SEPTIN9: variants seen among roughly 807,000 people sequenced by gnomAD.
SEPTIN9 encodes septin-9.
In SEPTIN9, 13 loss-of-function variants were observed where a neutral mutation model predicts 56.6. The observed-to-expected ratio is 0.23, with a 90% CI of 0.15 to 0.37. The LOEUF (loss-of-function observed/expected upper bound fraction) is 0.37, where lower values mean the gene tolerates loss of function less well. SEPTIN9 is among the 10% of genes least tolerant of loss of function. The pLI, the probability that SEPTIN9 is intolerant of heterozygous loss-of-function variation, is 1.00. For synonymous variants in SEPTIN9, 332 were observed against 334.1 expected, an observed-to-expected ratio of 0.99 and a Z score of 0.07; for missense variants, 650 against 823.1, an observed-to-expected ratio of 0.79 and a Z score of 2.57.
chr17:77,423,685 A>T (rs1362150983), intron 3 of SEPTIN9, among the ~76,000 whole-genome samples: 1 of 152,180 alleles, frequency 6.6e-6, no homozygotes, highest in Admixed American at 6.5e-5. Context: ...GCAATCCTCC[A>T]CTGCCCCCGT....
In SEPTIN9 at chr17:77,307,689, A is replaced by G. The variant is rs149975523; in HGVS notation, c.76+492A>G. 3.1e-3 allele frequency among the ~76,000 whole-genome samples: 472 copies of G among 151,566 alleles called. 4 individuals carry two copies. The highest frequency in any genetic ancestry group is 0.011 in the African/African-American group (437 of 41,292). On this transcript the variant is annotated intron_variant, in intron 2 of 11. Transcript: ENST00000427177. ...GGCCTCTGGCAGTGGTCACTGTGCT[A>G]CTCCTTGTGCTTTTTCCATGTGTTT... is the stretch of plus-strand genomic sequence containing the variant.
intron 2 of SEPTIN9, among the ~76,000 whole-genome samples, chr17:77,337,207 T>G (rs548073739): frequency 3.9e-5 from 6 of 152,068 alleles, no homozygotes; most frequent in Non-Finnish European, 1.5e-5. Context: ...TGGGGTCTCA[T>G]TGTGTTGCTC....
rs542240068 is a variant in SEPTIN9 at position 77,310,904 on chromosome 17, G to A, written c.76+3707G>A. On this transcript the variant is annotated intron_variant, in intron 2 of 11. Transcript: ENST00000427177. The surrounding 1 kb of genome is among the most constrained non-coding windows in gnomAD (Gnocchi z 4.7). ...CTCTTCCATCTTCCAATACCTCTGG[G>A]GTGTGTGGCCTTTTCCCCAGTGCCC... Among the ~76,000 whole-genome samples, 19 of 152,164 alleles carry A rather than the reference G, an allele frequency of 1.2e-4. No individual in the cohort carries two copies. The highest frequency in any genetic ancestry group is 4.3e-4 in the African/African-American group (18 of 41,512).
At chr17:77,311,451 C>A (rs142128863) in intron 2 of SEPTIN9, among the ~76,000 whole-genome samples, 1 of 152,306 alleles carries the variant, frequency 6.6e-6, no homozygotes, top group African/African-American at 2.4e-5. Flanking sequence ...GGTGTCTCTG[C>A]CCTCACAGGG....
intron 3 of SEPTIN9, among the ~76,000 whole-genome samples, chr17:77,430,990 CAAA>C (rs144630121): frequency 2.4e-5 from 3 of 126,994 alleles, no homozygotes; most frequent in Non-Finnish European, 1.7e-5. Context: ...TACTCCGTAT[CAAA>C]AAAAAAAAAA....
At chr17:77,351,592 C>A (rs1411261626) in intron 2 of SEPTIN9, among the ~76,000 whole-genome samples, 1 of 152,212 alleles carries the variant, frequency 6.6e-6, no homozygotes, top group African/African-American at 2.4e-5. Flanking sequence ...GGAAGGCTGA[C>A]CTCAGAGGCG....
chr17:77,291,390 G>A (rs1262156272), intron 1 of SEPTIN9, among the ~76,000 whole-genome samples: 1 of 150,498 alleles, frequency 6.6e-6, no homozygotes, highest in African/African-American at 2.4e-5. Context: ...GCTCATGCCT[G>A]TAATCCTAGC....
chr17:77,411,271 A>AT, intron 3 of SEPTIN9, among the ~76,000 whole-genome samples: 1 of 152,352 alleles, frequency 6.6e-6, no homozygotes, highest in Admixed American at 6.5e-5. Context: ...GTGTAAAAAA[A>AT]GTCAATGTGT....
intron 3 of SEPTIN9, among the ~76,000 whole-genome samples, chr17:77,423,817 G>A (rs1158277149): frequency 6.6e-6 from 1 of 152,230 alleles, no homozygotes; most frequent in Non-Finnish European, 1.5e-5. Context: ...GGTGGGGGTT[G>A]CAGAGTAGGG....
chr17:77,373,716 GC>G, intron 2 of SEPTIN9: 2 of 1,316,566 alleles, frequency 1.5e-6, no homozygotes, highest in East Asian at 3.1e-5. Flanking sequence ...CGCGCCCCCG[GC>G]CCCGTGCCCG....
At chr17:77,396,716 T>C (rs2035728257) in intron 2 of SEPTIN9, among the ~76,000 whole-genome samples, 1 of 152,142 alleles carries the variant, frequency 6.6e-6, no homozygotes, top group African/African-American at 2.4e-5. Flanking sequence ...GTTTCCCGGC[T>C]GGGTACAACT....
intron 3 of SEPTIN9, among the ~76,000 whole-genome samples, chr17:77,458,230 G>A (rs922671364): frequency 6.6e-6 from 1 of 152,196 alleles, no homozygotes; most frequent in Non-Finnish European, 1.5e-5. Context: ...CCCGTGCACA[G>A]CCCAGTGCAG....
At chr17:77,467,951 G>A (rs2038821426) in intron 3 of SEPTIN9, among the ~76,000 whole-genome samples, 1 of 152,132 alleles carries the variant, frequency 6.6e-6, no homozygotes, top group Admixed American at 6.5e-5. Flanking sequence ...GACAGCAATC[G>A]GAGGGCCACG....
intron 3 of SEPTIN9, among the ~76,000 whole-genome samples, chr17:77,462,547 G>A (rs949565716): frequency 3.9e-5 from 6 of 152,268 alleles, no homozygotes; most frequent in African/African-American, 1.4e-4. Context: ...GCCTCCCAAA[G>A]TGCTGGGGTT....
At chr17:77,423,604 G>A (rs549922138) in intron 3 of SEPTIN9, among the ~76,000 whole-genome samples, 6 of 152,322 alleles carry the variant, frequency 3.9e-5, no homozygotes, top group South Asian at 2.1e-4. Flanking sequence ...TCAGTGCCTC[G>A]ATCCTAGCAC....
chr17:77,407,786 G>A (rs1438710174), intron 3 of SEPTIN9, among the ~76,000 whole-genome samples: 4 of 152,220 alleles, frequency 2.6e-5, no homozygotes, highest in Non-Finnish European at 5.9e-5. Flanking sequence ...TCCCACAGAA[G>A]GGCGCTCATC....
intron 2 of SEPTIN9, among the ~76,000 whole-genome samples, chr17:77,353,733 G>A (rs1399843210): frequency 2.0e-5 from 3 of 152,194 alleles, no homozygotes; most frequent in African/African-American, 4.8e-5. Flanking sequence ...GGACCAGGAG[G>A]CTTGCTGCTG....
At chr17:77,447,079 G>C (rs2037769822) in intron 3 of SEPTIN9, 2 of 167,080 alleles carry the variant, frequency 1.2e-5, no homozygotes, top group Non-Finnish European at 2.9e-5. Context: ...TCCAGCCCTT[G>C]GCAGCCACCA....
In SEPTIN9 at chr17:77,492,693, C is replaced by T. The variant is rs1348107506; in HGVS notation, c.1453C>T (p.Arg485Trp). 7 of 1,613,924 alleles carry T rather than the reference C, an allele frequency of 4.3e-6. No homozygotes were observed. Among genetic ancestry groups the T allele is most frequent in the Non-Finnish European group, 5.9e-6 (7 of 1,179,976 alleles). Residue 485 changes from arginine (R) to tryptophan (W), a missense_variant, in exon 9 of 12, where the codon CGG becomes TGG. Transcript: ENST00000427177. The surrounding 1 kb of genome is among the most constrained non-coding windows in gnomAD (Gnocchi z 5.4). ...QKEFDEDSED[R>W]LVNEKFREMI... Reference sequence around the variant, plus strand: ...GGAATTTGATGAGGACTCGGAGGACCGGCTGGTGAACGAGAAGTTCCGGGT... The same window carrying T: ...GGAATTTGATGAGGACTCGGAGGACTGGCTGGTGAACGAGAAGTTCCGGGT...
Sources: allele counts gnomAD v4.1 joint callset (sites outside exome capture counted in the v4.1 genomes callset), GRCh38; gene constraint gnomAD v4.1.1; non-coding constraint Gnocchi (gnomAD v3.1); transcripts MANE v1.5; gene names NCBI Gene and HGNC (gene_info 2026-07-23, HGNC 2026-07-21).